SLC25A46: variants seen among roughly 807,000 people sequenced by gnomAD.
SLC25A46 encodes the protein solute carrier family 25 member 46.
SLC25A46 carries 39 observed loss-of-function variants against 44.6 expected under a neutral mutation model. That is an observed-to-expected ratio of 0.87 (90% CI 0.68 to 1.14). The LOEUF (loss-of-function observed/expected upper bound fraction) is 1.14. Ranked by LOEUF, SLC25A46 falls within the 50% of genes most tolerant of loss-of-function variation. The pLI, the probability that SLC25A46 is intolerant of heterozygous loss-of-function variation, is 0.00. For synonymous variants in SLC25A46, 202 were observed against 185.8 expected (o/e 1.09, Z -0.71); for missense variants, 547 against 522.7 (o/e 1.05, Z -0.45).
At position 110,743,674 on chromosome 5, in the gene SLC25A46, G is replaced by A. The variant is rs1437079529; in HGVS notation, c.327-56G>A. The A allele has an allele frequency of 4.0e-6, 4 of 998,340 alleles. No homozygotes were observed. In the East Asian group the frequency reaches 1.2e-4, roughly 30 times the overall value. 61.8% of individuals were successfully genotyped at this position (998,340 alleles called of 1,614,324 possible). A position where few individuals can be genotyped will look rare whatever the true frequency, so the allele number is the denominator to read the frequency against. ...GAATAATTTCAGAAAGATACCTGTT[G>A]TAAATTTAATTTATCTCTATGTAGA... On this transcript the variant is annotated intron_variant, in intron 2 of 7. Transcript: ENST00000355943.
rs1800288185 is a variant in SLC25A46 at position 110,762,735 on chromosome 5, T to C, written c.*953T>C. Reference sequence around the variant, plus strand: ...TTAAATGAACCTCATTTCCCTTTTATTTCTGAATGGCTTGTCTGAGAGGAA... The same window carrying C: ...TTAAATGAACCTCATTTCCCTTTTACTTCTGAATGGCTTGTCTGAGAGGAA... On this transcript the variant is annotated 3_prime_UTR_variant, in exon 8 of 8. Coordinates refer to ENST00000355943, the MANE Select transcript of SLC25A46 (RefSeq NM_138773.4). 1 of 151,940 alleles carries C rather than the reference T, an allele frequency of 6.6e-6. No individual in the cohort carries two copies. Among genetic ancestry groups the C allele is most frequent in the Non-Finnish European group, 1.5e-5 (1 of 67,890 alleles). The allele number at this position is 151,940 out of a possible 1,614,324, so 9.4% of individuals were successfully genotyped here.
Position 110,761,553 on chromosome 5 carries a change from T to C in SLC25A46, c.1028T>C (p.Ile343Thr), listed in dbSNP as rs780780818. 6.2e-7 allele frequency: 1 copy of C among 1,613,816 alleles called. No individual in the cohort carries two copies. The highest frequency in any genetic ancestry group is 8.5e-7 in the Non-Finnish European group (1 of 1,179,816). ...PLETVLHRLH[I>T]QGTRTIIDNT... ...GAAACAGTTTTGCACCGCCTTCACA[T>C]TCAAGGAACACGCACAATAATTGAC... The change falls in exon 8 of 8, where the codon ATT (isoleucine) becomes ACT (threonine). Residue 343 changes from isoleucine (I) to threonine (T), a missense_variant. Transcript: ENST00000355943. The surrounding 1 kb of genome is among the most constrained non-coding windows in gnomAD (Gnocchi z 5.3).
At chr5:110,738,489 G>A (rs1256058048), upstream of SLC25A46, among the ~76,000 whole-genome samples, 3 of 152,102 alleles carry the variant, frequency 2.0e-5, no homozygotes, top group African/African-American at 7.2e-5. Context: ...CTTTTAAAAT[G>A]CTTGCTCTGG....
intron 7 of SLC25A46, among the ~76,000 whole-genome samples, chr5:110,758,214 C>T (rs1196373381): frequency 6.6e-6 from 1 of 152,066 alleles, no homozygotes; most frequent in African/African-American, 2.4e-5. Context: ...TACCTTAAGG[C>T]CCAATCCTTG....
Position 110,756,765 on chromosome 5 carries a change from CTT to C in SLC25A46, c.678+13_678+14del. The C allele has an allele frequency of 6.7e-7, 1 of 1,494,620 alleles. No individual in the cohort carries two copies. The highest frequency in any genetic ancestry group is 8.9e-7 in the Non-Finnish European group (1 of 1,124,448). The allele number at this position is 1,494,620 out of a possible 1,614,324, so 92.6% of individuals were successfully genotyped here. Reference sequence around the variant, plus strand: ...GTCTGATTGAAACAGTGCAGGTGAGCTTTTTTTTACTGTCATTTTTTTTTTAT... The same window carrying C: ...GTCTGATTGAAACAGTGCAGGTGAGCTTTTTTACTGTCATTTTTTTTTTAT... On this transcript the variant is annotated splice_region_variant and intron_variant, in intron 7 of 7. Transcript: ENST00000355943.
intron 5 of SLC25A46, among the ~76,000 whole-genome samples, chr5:110,749,541 G>C (rs1799908268): frequency 6.6e-6 from 1 of 151,716 alleles, no homozygotes; most frequent in Non-Finnish European, 1.5e-5. Flanking sequence ...GAGATAATGA[G>C]AGAAATTAGA....
In SLC25A46 at chr5:110,763,825, A is replaced by ACAT. The variant is rs1272407886; in HGVS notation, c.*2044_*2046dup. On this transcript the variant is annotated 3_prime_UTR_variant, in exon 8 of 8. Coordinates refer to ENST00000355943, the MANE Select transcript of SLC25A46 (RefSeq NM_138773.4). ...TTTTGGAGAAAGAGAATACAAATTA[A>ACAT]CATTAAAATTGAAATGTAGAAAGTA... The ACAT allele has an allele frequency of 6.6e-6, 1 of 151,854 alleles. No homozygotes were observed. The highest frequency in any genetic ancestry group is 2.4e-5 in the African/African-American group (1 of 41,422). 9.4% of individuals were successfully genotyped at this position (151,854 alleles called of 1,614,324 possible).
intron 5 of SLC25A46, among the ~76,000 whole-genome samples, chr5:110,752,058 A>C (rs1289415330): frequency 6.6e-6 from 1 of 152,148 alleles, no homozygotes; most frequent in South Asian, 2.1e-4. Context: ...AAGCTACTAC[A>C]TGAGGAGGAT....
At chr5:110,738,713 G>A (rs1799484280), upstream of SLC25A46, 3 of 240,102 alleles carry the variant, frequency 1.2e-5, no homozygotes, top group Non-Finnish European at 2.4e-5. Flanking sequence ...TTTCTGGCCG[G>A]GATCTCACCG....
chr5:110,765,017 T>C lies in SLC25A46; in HGVS notation c.*3235T>C, dbSNP rs1222047621. The C allele has an allele frequency of 1.3e-5, 2 of 151,872 alleles. No homozygotes were observed. The highest frequency in any genetic ancestry group is 1.5e-5 in the Non-Finnish European group (1 of 67,886). The allele number at this position is 151,872 out of a possible 1,614,324, so 9.4% of individuals were successfully genotyped here. ...ATAGCAGAGTAACAAAATCATGATT[T>C]GACAATGAAATTTACATATTGCCTC... is the stretch of plus-strand genomic sequence containing the variant. On this transcript the variant is annotated 3_prime_UTR_variant, in exon 8 of 8. Coordinates refer to ENST00000355943, the MANE Select transcript of SLC25A46 (RefSeq NM_138773.4).
In SLC25A46 at chr5:110,750,305, T is replaced by C. The variant is rs375204160; in HGVS notation, c.563+2042T>C. ...TTGTTTGGCTAACTATTCACTTTATTGCTTTTATATCACTAGATAAGATCC... is the reference window on the plus strand; with the variant it reads ...TTGTTTGGCTAACTATTCACTTTATCGCTTTTATATCACTAGATAAGATCC... On this transcript the variant is annotated intron_variant, in intron 5 of 7. Transcript: ENST00000355943. Among the ~76,000 whole-genome samples the C allele has an allele frequency of 8.9e-4, 136 of 152,158 alleles. No homozygotes were observed. The South Asian group carries it at 0.026, about 29-fold the overall frequency.
At chr5:110,742,446 G>A (rs1475313246) in intron 2 of SLC25A46, among the ~76,000 whole-genome samples, 1 of 152,046 alleles carries the variant, frequency 6.6e-6, no homozygotes, top group Non-Finnish European at 1.5e-5. Flanking sequence ...AAATGGCTCT[G>A]CTGATAAGAA....
At chr5:110,740,016 C>G (rs575905593) in intron 1 of SLC25A46, among the ~76,000 whole-genome samples, 1 of 152,184 alleles carries the variant, frequency 6.6e-6, no homozygotes, top group South Asian at 2.1e-4. Flanking sequence ...AAGTTTCCTT[C>G]CTATAATTTT....
chr5:110,762,915 C>T lies in SLC25A46; in HGVS notation c.*1133C>T, dbSNP rs1435720209. 2 of 151,888 alleles carry T rather than the reference C, an allele frequency of 1.3e-5. No individual in the cohort carries two copies. Among genetic ancestry groups the T allele is most frequent in the African/African-American group, 2.4e-5 (1 of 41,508 alleles). 9.4% of individuals were successfully genotyped at this position (151,888 alleles called of 1,614,324 possible). A position where few individuals can be genotyped will look rare whatever the true frequency, so the allele number is the denominator to read the frequency against. On this transcript the variant is annotated 3_prime_UTR_variant, in exon 8 of 8. Transcript: ENST00000355943. ...GAGGGAAAAGCAATTATTCTTATCA[C>T]CTTTTATTTAAACTTCTTTAGATGA...
chr5:110,763,912 G>A lies in SLC25A46; in HGVS notation c.*2130G>A, dbSNP rs962783467. 4 of 151,692 alleles carry A rather than the reference G, an allele frequency of 2.6e-5. No individual in the cohort carries two copies. Among genetic ancestry groups the A allele is most frequent in the Non-Finnish European group, 4.4e-5 (3 of 67,798 alleles). The allele number at this position is 151,692 out of a possible 1,614,324, so 9.4% of individuals were successfully genotyped here. On this transcript the variant is annotated 3_prime_UTR_variant, in exon 8 of 8. Coordinates refer to ENST00000355943, the MANE Select transcript of SLC25A46 (RefSeq NM_138773.4). Reference sequence around the variant, plus strand: ...TTGAAACAAAATCTTGAACGGTCACGCACTTAAATTTAAGCTAGCCAAATA... The same window carrying A: ...TTGAAACAAAATCTTGAACGGTCACACACTTAAATTTAAGCTAGCCAAATA...
Position 110,742,074 on chromosome 5 carries a change from G to C in SLC25A46, c.311G>C (p.Gly104Ala). 1 of 1,573,354 alleles carries C rather than the reference G, an allele frequency of 6.4e-7. No individual in the cohort carries two copies. The highest frequency in any genetic ancestry group is 1.4e-5 in the African/African-American group (1 of 72,858). ...CAGCTGAATAGATTTGCTGGATTTG[G>C]TATTGGACTTGCAAGGTAATGTTTT... is the stretch of plus-strand genomic sequence containing the variant. ...SEQLNRFAGF[G>A]IGLASLFTEN... The change falls in exon 2 of 8, where the codon GGT (glycine) becomes GCT (alanine). Residue 104 changes from glycine to alanine, a missense_variant. Coordinates refer to ENST00000355943, the MANE Select transcript of SLC25A46 (RefSeq NM_138773.4).
Position 110,756,460 on chromosome 5 carries a change from A to G in SLC25A46, c.621-242A>G, listed in dbSNP as rs3214017. ...CTATGTGTAGGTAGATGTCCAATCT[A>G]TTTTCTTTGCAGGCTGTCCTTGTTT... On this transcript the variant is annotated intron_variant, in intron 6 of 7. Coordinates refer to ENST00000355943, the MANE Select transcript of SLC25A46 (RefSeq NM_138773.4). Among the ~76,000 whole-genome samples, 15,164 of 151,944 alleles carry G rather than the reference A, an allele frequency of 0.1. 890 individuals carry two copies. Among genetic ancestry groups the G allele is most frequent in the South Asian group, 0.21 (1,019 of 4,820 alleles).
rs1311879231 is a variant in SLC25A46, at chr5:110,763,686, TA to T, written c.*1905del. On this transcript the variant is annotated 3_prime_UTR_variant, in exon 8 of 8. Coordinates refer to ENST00000355943, the MANE Select transcript of SLC25A46 (RefSeq NM_138773.4). ...TAGCTAAAAATTAAATATTTCAGGA[TA>T]TTTTTTGGAAGTTAGCATGAAAATA... 1.1e-4 allele frequency: 16 copies of T among 151,992 alleles called. No homozygotes were observed. Among genetic ancestry groups the T allele is most frequent in the Admixed American group, 3.9e-4 (6 of 15,220 alleles). The allele number at this position is 151,992 out of a possible 1,614,324, so 9.4% of individuals were successfully genotyped here. A position where few individuals can be genotyped will look rare whatever the true frequency, so the allele number is the denominator to read the frequency against.
At position 110,761,521 on chromosome 5, in the gene SLC25A46, C is replaced by T. The variant is rs530045841; in HGVS notation, c.996C>T (p.Tyr332=). 6.8e-6 allele frequency: 11 copies of T among 1,613,808 alleles called. No individual in the cohort carries two copies. Among genetic ancestry groups the T allele is most frequent in the African/African-American group, 1.3e-5 (1 of 75,010 alleles). Residue 332 remains tyrosine, a synonymous_variant, in exon 8 of 8, where the codon TAC becomes TAT. Coordinates refer to ENST00000355943, the MANE Select transcript of SLC25A46 (RefSeq NM_138773.4). This position sits in a 1 kb window ranked among gnomAD's most constrained non-coding sequence, Gnocchi z 5.3. ...AASLCSDVIL[Y]PLETVLHRLH... ...GTCTTTGTTCTGACGTTATACTTTA[C>T]CCATTGGAAACAGTTTTGCACCGCC...
Sources: gnomAD v4.1 joint callset for allele counts (sites outside exome capture counted in the v4.1 genomes callset) on GRCh38, gnomAD v4.1.1 for gene constraint, Gnocchi (gnomAD v3.1) non-coding constraint, MANE v1.5 for transcripts, NCBI Gene and HGNC (gene_info 2026-07-23, HGNC 2026-07-21) for gene names.